FAXDC2: variants seen among roughly 807,000 people sequenced by gnomAD.
The protein encoded by FAXDC2 is fatty acid hydroxylase domain containing 2, also known as fatty acid hydroxylase domain-containing protein 2.
A neutral mutation model predicts 40.9 loss-of-function variants in FAXDC2; 41 were observed. The observed-to-expected ratio is 1.00, with a 90% CI of 0.78 to 1.30. The LOEUF (loss-of-function observed/expected upper bound fraction) is 1.30. FAXDC2 is among the 50% of genes most tolerant of loss of function. The pLI is 0.00. For synonymous variants in FAXDC2, 157 were observed against 149.3 expected (o/e 1.05, Z -0.38); for missense variants, 390 against 408.8 (o/e 0.95, Z 0.40).
intron 1 of FAXDC2, among the ~76,000 whole-genome samples, chr5:154,841,615 G>A (rs1424754559): frequency 1.3e-5 from 2 of 152,106 alleles, no homozygotes; most frequent in Non-Finnish European, 2.9e-5. Flanking sequence ...CACCCTCATT[G>A]TCCTAAGCAG....
chr5:154,835,151 C>T, intron 2 of FAXDC2: 2 of 502,012 alleles, frequency 4.0e-6, no homozygotes, highest in Non-Finnish European at 7.1e-6. Flanking sequence ...AAAATTAGAG[C>T]TCAAGTTGGG....
At chr5:154,826,518 G>C (rs777207436) in intron 5 of FAXDC2, among the ~76,000 whole-genome samples, 1 of 136,766 alleles carries the variant, frequency 7.3e-6, no homozygotes, top group East Asian at 2.1e-4. Context: ...AACAGAGCAA[G>C]ACTGTCTCTA....
chr5:154,828,507 G>C (rs1443742663), intron 5 of FAXDC2, among the ~76,000 whole-genome samples: 1 of 152,052 alleles, frequency 6.6e-6, no homozygotes, highest in East Asian at 1.9e-4. Context: ...TGTGGTGTCA[G>C]GTGGGCAGGC....
intron 1 of FAXDC2, among the ~76,000 whole-genome samples, chr5:154,843,775 TTTAG>T (rs888405937): frequency 6.6e-6 from 1 of 152,266 alleles, no homozygotes. Context: ...TACTCCATTA[TTTAG>T]TTAAGAAGAA....
intron 5 of FAXDC2, chr5:154,824,851 G>T: frequency 3.3e-6 from 1 of 302,198 alleles, no homozygotes; most frequent in East Asian, 6.6e-5. Flanking sequence ...CACTTTGGGA[G>T]GTGGAGGTGG....
chr5:154,832,776 G>C (rs1760226350), intron 4 of FAXDC2, among the ~76,000 whole-genome samples: 1 of 152,064 alleles, frequency 6.6e-6, no homozygotes, highest in African/African-American at 2.4e-5. Context: ...AAATATTTGA[G>C]GTTTTTTTAG....
chr5:154,824,864 G>T (rs1174686267), intron 5 of FAXDC2, among the ~76,000 whole-genome samples: 2 of 151,276 alleles, frequency 1.3e-5, no homozygotes, highest in African/African-American at 4.9e-5. Flanking sequence ...GGAGGTGGGA[G>T]GATCACTTGA....
intron 1 of FAXDC2, among the ~76,000 whole-genome samples, chr5:154,846,299 T>TG (rs1360674353): frequency 5.3e-5 from 8 of 151,082 alleles, no homozygotes; most frequent in African/African-American, 1.2e-4. Flanking sequence ...TGTGTGTGTG[T>TG]TAATACCAAA....
Position 154,824,216 on chromosome 5 carries a change from T to C in FAXDC2, c.367-624A>G, listed in dbSNP as rs915040748. 4 of 479,952 alleles carry C rather than the reference T, an allele frequency of 8.3e-6. No homozygotes were observed. The Admixed American group carries it at 1.3e-4, about 16-fold the overall frequency. The allele number at this position is 479,952 out of a possible 1,614,324, so 29.7% of individuals were successfully genotyped here. On this transcript the variant is annotated intron_variant, in intron 5 of 8. Transcript: ENST00000326080. ...TCCACTGTACAGAGCTGGTCCCAAGTGTCCAAAGTCCATTTGGCCTCAATA... is the reference window on the plus strand; with the variant it reads ...TCCACTGTACAGAGCTGGTCCCAAGCGTCCAAAGTCCATTTGGCCTCAATA...
rs771891646 is a variant in FAXDC2 at position 154,838,327 on chromosome 5, T to C, written c.1-149A>G. 63 of 688,500 alleles carry C rather than the reference T, an allele frequency of 9.2e-5. 1 individual carries two copies. The highest frequency in any genetic ancestry group is 4.0e-5 in the Non-Finnish European group (16 of 398,500). The allele number at this position is 688,500 out of a possible 1,614,324, so 42.6% of individuals were successfully genotyped here. ...TTGTTCTTCCTGAAACCAGACAAAT[T>C]GATTTGAAAACTTAATGGAGAGATA... On this transcript the variant is annotated intron_variant, in intron 1 of 8. Coordinates refer to ENST00000326080, the MANE Select transcript of FAXDC2 (RefSeq NM_032385.5).
chr5:154,822,293 T>G, intron 7 of FAXDC2, 179 bp downstream of exon 7: 3 of 596,598 alleles, frequency 5.0e-6, no homozygotes, highest in Non-Finnish European at 9.0e-6. Flanking sequence ...GATGATTAAA[T>G]GAGACAACTG....
chr5:154,828,025 T>C (rs907430106), intron 5 of FAXDC2, among the ~76,000 whole-genome samples: 1 of 151,532 alleles, frequency 6.6e-6, no homozygotes, highest in Non-Finnish European at 1.5e-5. Flanking sequence ...AGTTAAAAAA[T>C]TTTTTGTAGA....
At chr5:154,823,023 T>C (rs1759927204) in intron 6 of FAXDC2, among the ~76,000 whole-genome samples, 1 of 152,178 alleles carries the variant, frequency 6.6e-6, no homozygotes, top group South Asian at 2.1e-4. Context: ...TTTTATTTTT[T>C]TTCTTTGAGA....
At chr5:154,847,850 T>TTC (rs1760636932) in intron 1 of FAXDC2, among the ~76,000 whole-genome samples, 1 of 150,924 alleles carries the variant, frequency 6.6e-6, no homozygotes, top group African/African-American at 2.4e-5. Flanking sequence ...AATGTTCCTT[T>TTC]TTTTTTTGAG....
chr5:154,835,872 C>T (rs1402334446), intron 2 of FAXDC2, among the ~76,000 whole-genome samples: 6 of 129,658 alleles, frequency 4.6e-5, no homozygotes, highest in African/African-American at 1.1e-4. Flanking sequence ...TGAGCCACCG[C>T]GCCCGGCCGA....
chr5:154,831,661 C>T (rs918821756), intron 4 of FAXDC2, among the ~76,000 whole-genome samples: 2 of 152,128 alleles, frequency 1.3e-5, no homozygotes, highest in East Asian at 1.9e-4. Context: ...TCCACCAGCA[C>T]CCTTCATGCT....
chr5:154,826,381 T>G (rs1035571232), intron 5 of FAXDC2, among the ~76,000 whole-genome samples: 1 of 151,620 alleles, frequency 6.6e-6, no homozygotes, highest in African/African-American at 2.4e-5. Flanking sequence ...TACAAAAAAT[T>G]AGCTGGGCAT....
At chr5:154,822,725 G>C in intron 6 of FAXDC2, 148 bp from the exon 7 acceptor site, 1 of 650,402 alleles carries the variant, frequency 1.5e-6, no homozygotes, top group South Asian at 1.8e-5. Flanking sequence ...TTCAACCCCA[G>C]CCCTTATACT....
At chr5:154,830,067 CT>C (rs1011726118) in intron 5 of FAXDC2, among the ~76,000 whole-genome samples, 6 of 152,188 alleles carry the variant, frequency 3.9e-5, no homozygotes, top group Admixed American at 2.0e-4. Flanking sequence ...ACCCAGACAC[CT>C]GGGCAGATGA....
Sources: allele counts gnomAD v4.1 joint callset (sites outside exome capture counted in the v4.1 genomes callset), GRCh38; gene constraint gnomAD v4.1.1; transcripts MANE v1.5; gene names NCBI Gene and HGNC (gene_info 2026-07-23, HGNC 2026-07-21).